The following LPAR1 variants were observed in gnomAD, a reference collection of about 807,000 sequenced individuals.
The protein encoded by LPAR1 is lysophosphatidic acid receptor 1, also known as LPA receptor 1.
A neutral mutation model predicts 23.8 loss-of-function variants in LPAR1; 5 were observed. The observed-to-expected ratio is 0.21, with a 90% CI of 0.11 to 0.44. The LOEUF (loss-of-function observed/expected upper bound fraction) is 0.44. Ranked by LOEUF, LPAR1 falls within the 20% of genes least tolerant of loss-of-function variation. LPAR1 has a pLI of 0.99. For missense variants in LPAR1, 311 were observed against 482.8 expected (o/e 0.64, Z 3.33); for synonymous variants, 160 against 164.7 (o/e 0.97, Z 0.22).
At chr9:110,913,503 A>T (rs772657872) in intron 5 of LPAR1, among the ~76,000 whole-genome samples, 40 of 77,264 alleles carry the variant, frequency 5.2e-4, no homozygotes, top group Non-Finnish European at 1.1e-3. Flanking sequence ...AAAGGTATTT[A>T]TATATATATG....
intron 5 of LPAR1, among the ~76,000 whole-genome samples, chr9:110,928,986 T>C (rs2094222871): frequency 6.6e-6 from 1 of 152,244 alleles, no homozygotes; most frequent in Admixed American, 6.5e-5. Context: ...AATACCTGTT[T>C]AGAATGAACT....
At chr9:110,995,379 G>A (rs1190176997) in intron 2 of LPAR1, among the ~76,000 whole-genome samples, 1 of 152,054 alleles carries the variant, frequency 6.6e-6, no homozygotes, top group Non-Finnish European at 1.5e-5. Flanking sequence ...GAGGTGGGGA[G>A]GGGGAAGAAA....
At chr9:110,950,329 G>C (rs1414910458) in intron 4 of LPAR1, among the ~76,000 whole-genome samples, 1 of 152,012 alleles carries the variant, frequency 6.6e-6, no homozygotes, top group African/African-American at 2.4e-5. Context: ...GCTGGGCATA[G>C]TGGTACATGC....
chr9:110,935,679 T>C (rs1209820836), intron 5 of LPAR1, among the ~76,000 whole-genome samples: 3 of 152,174 alleles, frequency 2.0e-5, no homozygotes, highest in Admixed American at 2.0e-4. Context: ...TGACCATTCA[T>C]CCTAGGTTGC....
At chr9:110,984,752 C>A (rs147367222) in intron 2 of LPAR1, among the ~76,000 whole-genome samples, 1 of 150,736 alleles carries the variant, frequency 6.6e-6, no homozygotes, top group Non-Finnish European at 1.5e-5. Flanking sequence ...GCACAGAATA[C>A]CTGTGATAGT....
intron 5 of LPAR1, among the ~76,000 whole-genome samples, chr9:110,913,941 G>C (rs187404881): frequency 5.3e-5 from 8 of 152,204 alleles, no homozygotes; most frequent in African/African-American, 1.9e-4. Context: ...TTACCAGACT[G>C]TATGAACAAG....
chr9:110,985,500 C>T (rs901475651), intron 2 of LPAR1, among the ~76,000 whole-genome samples: 9 of 152,042 alleles, frequency 5.9e-5, no homozygotes, highest in African/African-American at 1.9e-4. Context: ...ACACTGACTG[C>T]AGAGAGAGAA....
At chr9:111,035,145 A>T (rs2097868903) in intron 2 of LPAR1, among the ~76,000 whole-genome samples, 1 of 152,186 alleles carries the variant, frequency 6.6e-6, no homozygotes, top group Non-Finnish European at 1.5e-5. Context: ...TACCACATGG[A>T]AGGAATTCAA....
intron 5 of LPAR1, among the ~76,000 whole-genome samples, chr9:110,901,150 CT>C (rs2088780078): frequency 6.6e-6 from 1 of 152,170 alleles, no homozygotes; most frequent in South Asian, 2.1e-4. Context: ...ATTTGACTAA[CT>C]GTCTTTAAAA....
chr9:110,880,748 G>C (rs541776156), intron 5 of LPAR1, among the ~76,000 whole-genome samples: 1 of 152,192 alleles, frequency 6.6e-6, no homozygotes. Flanking sequence ...GGAATCAAGG[G>C]AGAAAATAAA....
intron 2 of LPAR1, among the ~76,000 whole-genome samples, chr9:111,020,910 A>G (rs908709557): frequency 3.3e-5 from 5 of 152,336 alleles, no homozygotes; most frequent in African/African-American, 1.2e-4. Flanking sequence ...TTCCTGAGTA[A>G]ATATTTTACT....
chr9:110,950,136 C>T (rs1041601990), intron 4 of LPAR1, among the ~76,000 whole-genome samples: 1 of 105,414 alleles, frequency 9.5e-6, no homozygotes, highest in South Asian at 3.6e-4. Flanking sequence ...TTAAATATGA[C>T]ATGAATGTCA....
intron 5 of LPAR1, among the ~76,000 whole-genome samples, chr9:110,876,792 AT>A (rs2079210165): frequency 6.6e-6 from 1 of 152,258 alleles, no homozygotes; most frequent in South Asian, 2.1e-4. Context: ...AGGAATGAAA[AT>A]ATAGATGAGA....
chr9:111,006,361 A>G (rs1194042118), intron 2 of LPAR1, among the ~76,000 whole-genome samples: 1 of 152,208 alleles, frequency 6.6e-6, no homozygotes, highest in Admixed American at 6.5e-5. Context: ...AAAAAGAAAC[A>G]TACAAAATGT....
At chr9:110,950,429 C>T (rs1267477100) in intron 4 of LPAR1, among the ~76,000 whole-genome samples, 2 of 142,500 alleles carry the variant, frequency 1.4e-5, no homozygotes, top group Non-Finnish European at 3.0e-5. Context: ...AGCATCACTG[C>T]ATTCCAGCCT....
chr9:111,010,853 C>G (rs57301550), intron 2 of LPAR1, among the ~76,000 whole-genome samples: 23 of 152,302 alleles, frequency 1.5e-4, no homozygotes, highest in African/African-American at 5.1e-4. Flanking sequence ...AGAAACAGAT[C>G]TCTGAAAGCA....
chr9:110,982,303 T>C (rs142994562), intron 2 of LPAR1, among the ~76,000 whole-genome samples: 17,774 of 152,062 alleles, frequency 0.12, 1,344 homozygotes, highest in Admixed American at 0.21. Context: ...GCCATAAAAA[T>C]GGATGAGTTT....
At chr9:110,968,581 T>A (rs7021116) in intron 4 of LPAR1, among the ~76,000 whole-genome samples, 60,541 of 151,994 alleles carry the variant, frequency 0.4, 12,846 homozygotes, top group Non-Finnish European at 0.47. Flanking sequence ...CTAAATCTTT[T>A]CTTGGGTCTC....
At chr9:110,949,030 C>T (rs1201082016) in intron 4 of LPAR1, among the ~76,000 whole-genome samples, 1 of 152,128 alleles carries the variant, frequency 6.6e-6, no homozygotes, top group Non-Finnish European at 1.5e-5. Context: ...TGACTCTAGT[C>T]CCATAAATCA....
Sources: allele counts gnomAD v4.1 joint callset (sites outside exome capture counted in the v4.1 genomes callset), GRCh38; gene constraint gnomAD v4.1.1; transcripts MANE v1.5; gene names NCBI Gene and HGNC (gene_info 2026-07-23, HGNC 2026-07-21).